The following CDH13 variants were observed in gnomAD, a reference collection of about 807,000 sequenced individuals.
CDH13 encodes the protein cadherin-13.
Under a neutral mutation model 63.8 loss-of-function variants are expected in CDH13, and 24 were observed. The observed-to-expected ratio is 0.38, with a 90% confidence interval of 0.27 to 0.53. The LOEUF is 0.53. Ranked by LOEUF, CDH13 falls within the 20% of genes least tolerant of loss-of-function variation. CDH13 has a pLI of 0.85. For missense variants in CDH13, 1,049 were observed against 903.1 expected, an observed-to-expected ratio of 1.16 and a Z score of -2.07; for synonymous variants, 503 against 355.3, an observed-to-expected ratio of 1.42 and a Z score of -4.67.
At chr16:83,532,069 G>C (rs1345018009) in intron 7 of CDH13, among the ~76,000 whole-genome samples, 1 of 152,236 alleles carries the variant, frequency 6.6e-6, no homozygotes, top group East Asian at 1.9e-4. Flanking sequence ...AGATCTGATG[G>C]TTTTATAAAG....
At chr16:82,967,148 A>G (rs1907963534) in intron 2 of CDH13, among the ~76,000 whole-genome samples, 1 of 152,128 alleles carries the variant, frequency 6.6e-6, no homozygotes, top group South Asian at 2.1e-4. Flanking sequence ...GGTTAAAGAA[A>G]CAGCTGGAAA....
At chr16:83,059,318 A>C (rs990487581) in intron 3 of CDH13, among the ~76,000 whole-genome samples, 7 of 152,100 alleles carry the variant, frequency 4.6e-5, no homozygotes, top group African/African-American at 1.7e-4. Flanking sequence ...GGGAGCAGGG[A>C]GAGCGGGTGT....
chr16:83,270,499 G>C (rs1333102698), intron 5 of CDH13, among the ~76,000 whole-genome samples: 1 of 152,194 alleles, frequency 6.6e-6, no homozygotes, highest in Non-Finnish European at 1.5e-5. Flanking sequence ...AAATGATGAA[G>C]CAGAGAGCAT....
chr16:83,267,338 A>G (rs1407656892), intron 5 of CDH13, among the ~76,000 whole-genome samples: 1 of 152,122 alleles, frequency 6.6e-6, no homozygotes, highest in African/African-American at 2.4e-5. Context: ...CGGCTGGATT[A>G]TCCTCAGGCT....
chr16:83,154,135 A>G (rs535463445), intron 4 of CDH13, among the ~76,000 whole-genome samples: 1 of 152,264 alleles, frequency 6.6e-6, no homozygotes, highest in Admixed American at 6.5e-5. Flanking sequence ...GGGAGCTTTA[A>G]AGACCATGCT....
In CDH13 at chr16:82,814,392, A is replaced by G. The variant is rs181911511; in HGVS notation, c.46-43970A>G. 5.8e-4 allele frequency among the ~76,000 whole-genome samples: 89 copies of G among 152,236 alleles called. 1 individual carries two copies. The highest frequency in any genetic ancestry group is 5.8e-3 in the South Asian group (28 of 4,818). ...TTTTTAGAAGGTTGGGGCTTTCATC[A>G]TCCACCCCACCTCCAGGGAGGAAAG... On this transcript the variant is annotated intron_variant, in intron 1 of 13. Transcript: ENST00000567109.
chr16:82,794,465 G>C (rs954918192), intron 1 of CDH13, among the ~76,000 whole-genome samples: 5 of 151,094 alleles, frequency 3.3e-5, no homozygotes, highest in African/African-American at 9.7e-5. Context: ...GTGGAGTAGA[G>C]AATCATTTAA....
At chr16:83,156,590 G>A (rs779953825) in intron 4 of CDH13, among the ~76,000 whole-genome samples, 1 of 152,106 alleles carries the variant, frequency 6.6e-6, no homozygotes, top group African/African-American at 2.4e-5. Flanking sequence ...TGTTTTCAAA[G>A]CCTCCAGATA....
At position 83,466,502 on chromosome 16, in the gene CDH13, G is replaced by C. The variant is rs2325832; in HGVS notation, c.782-19975G>C. On this transcript the variant is annotated intron_variant, in intron 6 of 13. Coordinates refer to ENST00000567109, the MANE Select transcript of CDH13 (RefSeq NM_001257.5). Reference sequence around the variant, plus strand: ...CACAGCCTAGTGGCAGTGGGCTGGGGAGGAAAACTGCAAACATCATGCAAT... The same window carrying C: ...CACAGCCTAGTGGCAGTGGGCTGGGCAGGAAAACTGCAAACATCATGCAAT... 8.3e-3 allele frequency among the ~76,000 whole-genome samples: 1,259 copies of C among 152,076 alleles called. 20 individuals carry two copies. Among genetic ancestry groups the C allele is most frequent in the South Asian group, 0.039 (190 of 4,822 alleles).
At chr16:83,340,668 G>T (rs1284582385) in intron 5 of CDH13, among the ~76,000 whole-genome samples, 1 of 152,148 alleles carries the variant, frequency 6.6e-6, no homozygotes, top group Admixed American at 6.5e-5. Flanking sequence ...TTTCTAACCA[G>T]CTCCTGGGGG....
At chr16:83,719,285 A>G (rs1324853053) in intron 10 of CDH13, among the ~76,000 whole-genome samples, 3 of 152,194 alleles carry the variant, frequency 2.0e-5, no homozygotes, top group Non-Finnish European at 4.4e-5. Flanking sequence ...TTGAGGGACC[A>G]CTGCGTACCA....
At chr16:82,792,117 C>T (rs186377851) in intron 1 of CDH13, among the ~76,000 whole-genome samples, 82 of 152,270 alleles carry the variant, frequency 5.4e-4, no homozygotes, top group African/African-American at 1.9e-3. Flanking sequence ...TGGCACCTTC[C>T]TTCACATAAA....
chr16:82,915,576 G>A (rs997286275), intron 2 of CDH13, among the ~76,000 whole-genome samples: 4 of 152,132 alleles, frequency 2.6e-5, no homozygotes, highest in Non-Finnish European at 4.4e-5. Context: ...TTGTCAGGTC[G>A]ACAGGAGGAG....
intron 5 of CDH13, among the ~76,000 whole-genome samples, chr16:83,325,386 C>A (rs1353810299): frequency 2.0e-5 from 3 of 152,020 alleles, no homozygotes; most frequent in Non-Finnish European, 4.4e-5. Context: ...GACATTTCAC[C>A]CCAAATCTTT....
At chr16:82,886,561 A>ATTT (rs10658401) in intron 2 of CDH13, among the ~76,000 whole-genome samples, 62,015 of 149,238 alleles carry the variant, frequency 0.42, 13,511 homozygotes, top group African/African-American at 0.52. Context: ...TATTTGTGCA[A>ATTT]TTTTTTTTTT....
At chr16:83,701,759 CT>C (rs760980514) in intron 10 of CDH13, among the ~76,000 whole-genome samples, 13 of 152,342 alleles carry the variant, frequency 8.5e-5, no homozygotes, top group Non-Finnish European at 1.5e-4. Flanking sequence ...CCCAGCACTC[CT>C]GCTACTGGGT....
intron 6 of CDH13, among the ~76,000 whole-genome samples, chr16:83,468,298 A>T (rs1194254562): frequency 1.3e-5 from 2 of 152,204 alleles, no homozygotes; most frequent in Non-Finnish European, 2.9e-5. Flanking sequence ...ACAGAAGCAC[A>T]GGCAAGGTGA....
chr16:82,746,853 G>A (rs893246240), intron 1 of CDH13, among the ~76,000 whole-genome samples: 4 of 152,074 alleles, frequency 2.6e-5, no homozygotes, highest in African/African-American at 4.8e-5. Flanking sequence ...TTTTTGTAAC[G>A]ATCACTTATA....
chr16:82,762,760 GA>G (rs1316741521), intron 1 of CDH13, among the ~76,000 whole-genome samples: 2 of 152,222 alleles, frequency 1.3e-5, no homozygotes, highest in African/African-American at 4.8e-5. Flanking sequence ...GTTGGAGAAA[GA>G]GGAAGAGAAG....
Sources: gnomAD v4.1 joint callset for allele counts (sites outside exome capture counted in the v4.1 genomes callset) on GRCh38, gnomAD v4.1.1 for gene constraint, MANE v1.5 for transcripts, NCBI Gene and HGNC (gene_info 2026-07-23, HGNC 2026-07-21) for gene names.